KDM2B: variants seen among roughly 807,000 people sequenced by gnomAD.
KDM2B encodes the protein lysine-specific demethylase 2B.
KDM2B carries 26 observed loss-of-function variants against 150.0 expected under a neutral mutation model. That is an observed-to-expected ratio of 0.17 (90% CI 0.13 to 0.24). KDM2B has a LOEUF of 0.24. KDM2B is among the 10% of genes least tolerant of loss of function. The probability of loss-of-function intolerance (pLI) is 1.00; values close to 1 mark genes in which losing one functional copy is unlikely to be tolerated. For synonymous variants in KDM2B, 734 were observed against 729.5 expected (o/e 1.01, Z -0.10); for missense variants, 1,265 against 1,816.9 (o/e 0.70, Z 5.52).
intron 9 of KDM2B, among the ~76,000 whole-genome samples, chr12:121,517,100 C>T (rs376472832): frequency 5.3e-5 from 8 of 152,060 alleles, no homozygotes; most frequent in Non-Finnish European, 2.9e-5. Flanking sequence ...TCATTTGGAC[C>T]ATACCTATTC....
chr12:121,445,346 C>T lies in KDM2B; in HGVS notation c.2032G>A (p.Glu678Lys). The stretch of plus-strand genomic sequence containing the variant: ...ATGAGCATGAGGTTAAACTTGCCTT[C>T]CTCCTCTTCCACCGTGTCTTCCTTC... ...AGKEDTVEEE[E>K]GKFNLMLMEC... The change falls in exon 14 of 23, where the codon GAA becomes AAA. Residue 678 changes from glutamate (E) to lysine (K), a missense_variant. Around this residue, in one of 11 missense-constraint regions of KDM2B, gnomAD observed 30 missense variants for 32.0 expected, o/e 0.94. Coordinates refer to ENST00000377071, the MANE Select transcript of KDM2B (RefSeq NM_032590.5). The T allele has an allele frequency of 6.2e-7, 1 of 1,613,128 alleles. No homozygotes were observed. Among genetic ancestry groups the T allele is most frequent in the Non-Finnish European group, 8.5e-7 (1 of 1,179,310 alleles).
chr12:121,470,901 G>A (rs1344050957), intron 12 of KDM2B, among the ~76,000 whole-genome samples: 3 of 152,204 alleles, frequency 2.0e-5, no homozygotes, highest in Non-Finnish European at 2.9e-5. Context: ...CTGTGGAACC[G>A]GGAGGCCATG....
At chr12:121,457,076 G>A (rs1404302391) in intron 12 of KDM2B, among the ~76,000 whole-genome samples, 1 of 151,986 alleles carries the variant, frequency 6.6e-6, no homozygotes, top group Non-Finnish European at 1.5e-5. Flanking sequence ...AGTCCAACTG[G>A]GACTCTGAAG....
intron 22 of KDM2B, among the ~76,000 whole-genome samples, chr12:121,431,246 C>G (rs911061629): frequency 6.6e-6 from 1 of 151,736 alleles, no homozygotes; most frequent in Non-Finnish European, 1.5e-5. Flanking sequence ...ATTCTCCTGC[C>G]TCAGCCTCCT....
chr12:121,445,833 C>T (rs532426394), intron 13 of KDM2B, among the ~76,000 whole-genome samples: 4 of 152,234 alleles, frequency 2.6e-5, no homozygotes, highest in African/African-American at 4.8e-5. Flanking sequence ...GGAGCAGGGG[C>T]GTGAGCGCAG....
intron 22 of KDM2B, among the ~76,000 whole-genome samples, chr12:121,435,218 T>G (rs552257193): frequency 6.6e-6 from 1 of 152,138 alleles, no homozygotes; most frequent in Non-Finnish European, 1.5e-5. Flanking sequence ...TTGCACAACA[T>G]TGTGAATGTA....
rs373065663 is a variant in KDM2B at position 121,580,895 on chromosome 12, A to G, written c.17T>C (p.Met6Thr). 3.4e-5 allele frequency: 55 copies of G among 1,613,456 alleles called. 1 individual carries two copies. The African/African-American group carries it at 7.2e-4, about 21-fold the overall frequency. ...GGGGTGATCCTCTGCAGATCCCCCC[A>G]TTTGCGGACCCGCCATGTGGAGGAG... MAGPQ[M>T]GGSAEDHPPR... The change falls in exon 1 of 23, where the codon ATG (methionine) becomes ACG (threonine). Residue 6 changes from methionine (M) to threonine (T), a missense_variant. By Grantham distance (81) the Met-to-Thr change is moderately conservative (BLOSUM62 -1). Transcript: ENST00000377071.
chr12:121,501,620 TTTTG>T (rs1382252730), intron 11 of KDM2B, among the ~76,000 whole-genome samples: 2 of 151,932 alleles, frequency 1.3e-5, no homozygotes, highest in African/African-American at 2.4e-5. Context: ...TGTTGTTGTT[TTTTG>T]TTTGTTTGTT....
At chr12:121,514,338 A>C (rs1354078282) in intron 9 of KDM2B, among the ~76,000 whole-genome samples, 2 of 151,934 alleles carry the variant, frequency 1.3e-5, no homozygotes, top group East Asian at 3.9e-4. Flanking sequence ...TTGGCTGTTT[A>C]TCATAGAAGA....
At chr12:121,445,446 T>C (rs1555290027) in intron 13 of KDM2B, 28 bp from the exon 14 acceptor site, 4 of 1,564,300 alleles carry the variant, frequency 2.6e-6, no homozygotes, top group Admixed American at 1.9e-5. Context: ...ACAAGACAAG[T>C]CATCAGGGGT....
chr12:121,420,292 T>TGATGAG, the KDM2B span: 3 of 1,588,008 alleles, frequency 1.9e-6, no homozygotes, highest in South Asian at 2.3e-5. Context: ...ATGACGACGA[T>TGATGAG]GATGAGGATG....
chr12:121,561,190 G>A (rs1189650003), intron 4 of KDM2B, among the ~76,000 whole-genome samples: 1 of 152,170 alleles, frequency 6.6e-6, no homozygotes, highest in African/African-American at 2.4e-5. Context: ...TCGGGCTCGG[G>A]GCCAGGACGA....
At chr12:121,504,790 C>A (rs1274216936) in intron 11 of KDM2B, among the ~76,000 whole-genome samples, 1 of 151,876 alleles carries the variant, frequency 6.6e-6, no homozygotes, top group Non-Finnish European at 1.5e-5. Flanking sequence ...TGAGGCCTGG[C>A]CAATGTGATG....
chr12:121,581,758 G>A (rs1891974112), upstream of KDM2B, among the ~76,000 whole-genome samples: 3 of 152,308 alleles, frequency 2.0e-5, no homozygotes, highest in Non-Finnish European at 4.4e-5. Flanking sequence ...AATGATTGCT[G>A]TGCTCCCATA....
rs1594034419 is a variant in KDM2B at position 121,520,233 on chromosome 12, G to T, written c.1047+752C>A. On this transcript the variant is annotated intron_variant, in intron 9 of 22. Transcript: ENST00000377071. This position sits in a 1 kb window ranked among gnomAD's most constrained non-coding sequence, Gnocchi z 4.5. The stretch of plus-strand genomic sequence containing the variant: ...ACCCAGTTTGGGACCTGTCTTATGT[G>T]CCTAGGGACACGTGATCAAGTCCTA... Among the ~76,000 whole-genome samples, 1 of 152,090 alleles carries T rather than the reference G, an allele frequency of 6.6e-6. No homozygotes were observed. Among genetic ancestry groups the T allele is most frequent in the East Asian group, 1.9e-4 (1 of 5,178 alleles).
chr12:121,535,948 C>T, intron 6 of KDM2B: 1 of 633,068 alleles, frequency 1.6e-6, no homozygotes, highest in Non-Finnish European at 2.0e-6. Flanking sequence ...CACGGATGGG[C>T]AGCCTCCCCA....
intron 11 of KDM2B, 37 bp downstream of exon 11, chr12:121,509,530 C>T: frequency 1.9e-6 from 3 of 1,600,458 alleles, no homozygotes; most frequent in Non-Finnish European, 2.6e-6. Context: ...GCCCGGCCCT[C>T]CTCGGCCGCC....
chr12:121,513,320 C>T lies in KDM2B; in HGVS notation c.1130G>A (p.Arg377His), dbSNP rs377274186. Reference protein sequence around the residue: ...LERYVYCVTQRSHLTQEYQRE... With the variant: ...LERYVYCVTQHSHLTQEYQRE... ...CTGGTATTCCTGAGTGAGGTGGGAGCGCTGGGTCACACAGTACACGTATCT... is the reference window on the plus strand; with the variant it reads ...CTGGTATTCCTGAGTGAGGTGGGAGTGCTGGGTCACACAGTACACGTATCT... The change falls in exon 10 of 23, where the codon CGC (arginine) becomes CAC (histidine). Residue 377 changes from arginine (R) to histidine (H), a missense_variant. Around this residue, in one of 11 missense-constraint regions of KDM2B, gnomAD observed 214 missense variants for 447.4 expected, o/e 0.48. Coordinates refer to ENST00000377071, the MANE Select transcript of KDM2B (RefSeq NM_032590.5). The surrounding 1 kb of genome is among the most constrained non-coding windows in gnomAD (Gnocchi z 5.0). 6.8e-6 allele frequency: 11 copies of T among 1,613,528 alleles called. No individual in the cohort carries two copies. Among genetic ancestry groups the T allele is most frequent in the Non-Finnish European group, 9.3e-6 (11 of 1,179,902 alleles).
Position 121,560,628 on chromosome 12 carries a change from G to T in KDM2B, c.398-10990C>A, listed in dbSNP as rs1412540061. Among the ~76,000 whole-genome samples, 5 of 152,076 alleles carry T rather than the reference G, an allele frequency of 3.3e-5. No individual in the cohort carries two copies. The South Asian group carries it at 1.0e-3, about 32-fold the overall frequency. ...ATCACTTCCCTTAAATGTATAAAGT[G>T]GGCAGGGGCAGGGGCAGTGGGGGCA... On this transcript the variant is annotated intron_variant, in intron 4 of 22. Coordinates refer to ENST00000377071, the MANE Select transcript of KDM2B (RefSeq NM_032590.5).
Sources: gnomAD v4.1 joint callset for allele counts (sites outside exome capture counted in the v4.1 genomes callset) on GRCh38, gnomAD v4.1.1 for gene constraint, gnomAD v4.1.1 regional missense constraint, Gnocchi (gnomAD v3.1) non-coding constraint, MANE v1.5 for transcripts, NCBI Gene and HGNC (gene_info 2026-07-23, HGNC 2026-07-21) for gene names.